PCDHA1: variants seen among roughly 807,000 people sequenced by gnomAD.
The protein encoded by PCDHA1 is protocadherin alpha-1.
A neutral mutation model predicts 61.3 loss-of-function variants in PCDHA1; 42 were observed. The observed-to-expected ratio is 0.69, with a 90% CI of 0.54 to 0.89. The LOEUF (loss-of-function observed/expected upper bound fraction) is 0.89. PCDHA1 is among the 40% of genes least tolerant of loss of function. The probability of loss-of-function intolerance (pLI) is 0.00; values close to 1 mark genes in which losing one functional copy is unlikely to be tolerated. For missense variants in PCDHA1, 1,256 were observed against 1,235.3 expected (o/e 1.02, Z -0.25); for synonymous variants, 610 against 553.8 (o/e 1.10, Z -1.43).
At position 141,009,773 on chromosome 5, in the gene PCDHA1, A is replaced by C. The variant is rs782087059; in HGVS notation, c.2689A>C (p.Ile897Leu). ...KFIIPGSPAI[I>L]SIRQEPTNSQ... is the part of the protein sequence containing the mutation. ...CATTATCCCAGGATCTCCTGCAATC[A>C]TCTCCATCCGGCAGGAGCCTACTAA... Residue 897 changes from isoleucine to leucine, a missense_variant, in exon 4 of 4, where the codon ATC becomes CTC. Physicochemically the swap from Ile to Leu is conservative, Grantham distance 5. Transcript: ENST00000504120. 1 of 1,614,128 alleles carries C rather than the reference A, an allele frequency of 6.2e-7. No individual in the cohort carries two copies. Among genetic ancestry groups the C allele is most frequent in the East Asian group, 2.2e-5 (1 of 44,878 alleles).
At chr5:140,798,887 T>G (rs782239650) in intron 1 of PCDHA1, among the ~76,000 whole-genome samples, 3 of 152,266 alleles carry the variant, frequency 2.0e-5, no homozygotes, top group Non-Finnish European at 4.4e-5. Flanking sequence ...AGTTATTTGC[T>G]GTTTATTCTA....
intron 3 of PCDHA1, among the ~76,000 whole-genome samples, chr5:141,007,846 A>G (rs1368916424): frequency 6.6e-6 from 1 of 152,176 alleles, no homozygotes. Flanking sequence ...TAGAGACTCA[A>G]AGTCCTTAAA....
intron 1 of PCDHA1, among the ~76,000 whole-genome samples, chr5:140,914,826 CA>C: frequency 6.6e-6 from 1 of 151,812 alleles, no homozygotes; most frequent in East Asian, 1.9e-4. Context: ...ACTGCATAAA[CA>C]AAAAACAAAC....
At chr5:140,868,963 A>G in intron 1 of PCDHA1, 2 of 1,423,054 alleles carry the variant, frequency 1.4e-6, no homozygotes, top group Non-Finnish European at 1.9e-6. Context: ...TCCCATACAA[A>G]GGAACTCCAT....
chr5:140,793,246 T>C (rs1329999065), intron 1 of PCDHA1, among the ~76,000 whole-genome samples: 1 of 152,206 alleles, frequency 6.6e-6, no homozygotes, highest in Non-Finnish European at 1.5e-5. Context: ...GAATTATAAA[T>C]GTGGAGATTA....
intron 1 of PCDHA1, chr5:140,876,387 T>C (rs2056316391): frequency 6.2e-7 from 1 of 1,613,830 alleles, no homozygotes; most frequent in Admixed American, 1.7e-5. Flanking sequence ...TTAGAATTTA[T>C]GGTGAACTGG....
At chr5:140,834,413 G>C in intron 1 of PCDHA1, 3 of 1,611,242 alleles carry the variant, frequency 1.9e-6, no homozygotes, top group Non-Finnish European at 2.5e-6. Context: ...ACGACCCAGG[G>C]GGCCGACATC....
chr5:140,881,232 C>A, intron 1 of PCDHA1: 2 of 318,074 alleles, frequency 6.3e-6, no homozygotes, highest in Non-Finnish European at 9.1e-6. Context: ...AAATTAAAGT[C>A]AATTTAAATG....
At chr5:140,966,469 C>G (rs1308389710) in intron 1 of PCDHA1, 1 of 432,506 alleles carries the variant, frequency 2.3e-6, no homozygotes, top group African/African-American at 2.0e-5. Context: ...GTCTTCCCTT[C>G]TGTTTCCTTT....
chr5:140,932,042 A>G (rs1419099942), intron 1 of PCDHA1, among the ~76,000 whole-genome samples: 1 of 151,970 alleles, frequency 6.6e-6, no homozygotes, highest in Non-Finnish European at 1.5e-5. Flanking sequence ...ATATTAACAT[A>G]GCCTGTAATA....
At chr5:140,847,326 T>C (rs1171959432) in intron 1 of PCDHA1, 3 of 149,816 alleles carry the variant, frequency 2.0e-5, no homozygotes, top group African/African-American at 7.3e-5. Flanking sequence ...GAAGCAATTG[T>C]TAAATGCACC....
intron 1 of PCDHA1, chr5:140,967,239 G>A: frequency 1.9e-6 from 3 of 1,613,672 alleles, no homozygotes; most frequent in Non-Finnish European, 2.5e-6. Context: ...CTTCAGGTAA[G>A]CGAATCGGTG....
At chr5:140,794,155 GTA>G (rs1581609623) in intron 1 of PCDHA1, among the ~76,000 whole-genome samples, 1 of 152,214 alleles carries the variant, frequency 6.6e-6, no homozygotes, top group East Asian at 1.9e-4. Context: ...AAAACGTGGT[GTA>G]TACATATGTT....
At chr5:140,801,219 G>C (rs782060470) in intron 1 of PCDHA1, 3 of 1,607,608 alleles carry the variant, frequency 1.9e-6, no homozygotes, top group East Asian at 2.2e-5. Context: ...CTGGCGAGAA[G>C]ATCCTGGAGC....
intron 1 of PCDHA1, chr5:140,802,555 C>T (rs1762945813): frequency 6.2e-7 from 1 of 1,614,190 alleles, no homozygotes; most frequent in Non-Finnish European, 8.5e-7. Flanking sequence ...GACAATGCGC[C>T]GGCATTCTCG....
Position 140,954,691 on chromosome 5 carries a change from A to G in PCDHA1, c.2395-24258A>G, listed in dbSNP as rs561318179. Among the ~76,000 whole-genome samples the G allele has an allele frequency of 9.2e-5, 14 of 152,162 alleles. No homozygotes were observed. The East Asian group carries it at 2.5e-3, about 27-fold the overall frequency. ...TATTAGACTTTTGTCAGATGGATAG[A>G]CTACAAAATTTTTCTCCCATTCTGT... On this transcript the variant is annotated intron_variant, in intron 1 of 3. Coordinates refer to ENST00000504120, the MANE Select transcript of PCDHA1 (RefSeq NM_018900.4).
chr5:140,959,373 C>CA lies in PCDHA1; in HGVS notation c.2395-19566dup, dbSNP rs1243465116. Among the ~76,000 whole-genome samples the CA allele has an allele frequency of 8.3e-3, 1,208 of 145,190 alleles. 7 individuals carry two copies. Among genetic ancestry groups the CA allele is most frequent in the Admixed American group, 0.016 (228 of 14,544 alleles). ...GGGACAACTGAGTGAGACCCTGTCT[C>CA]AAAAAAAAAAGTCACAAATTAAGAT... On this transcript the variant is annotated intron_variant, in intron 1 of 3. Coordinates refer to ENST00000504120, the MANE Select transcript of PCDHA1 (RefSeq NM_018900.4).
At chr5:140,841,918 C>G (rs2150325531) in intron 1 of PCDHA1, 33 of 1,613,726 alleles carry the variant, frequency 2.0e-5, no homozygotes, top group Non-Finnish European at 2.6e-5. Flanking sequence ...TAAGAAAATC[C>G]TTGGACAGAG....
chr5:140,962,080 T>A (rs1226617177), intron 1 of PCDHA1, among the ~76,000 whole-genome samples: 1 of 151,756 alleles, frequency 6.6e-6, no homozygotes, highest in Non-Finnish European at 1.5e-5. Context: ...AGAGACGGGG[T>A]TTCACCATGT....
Sources: gnomAD v4.1 joint callset for allele counts (sites outside exome capture counted in the v4.1 genomes callset) on GRCh38, gnomAD v4.1.1 for gene constraint, MANE v1.5 for transcripts, NCBI Gene and HGNC (gene_info 2026-07-23, HGNC 2026-07-21) for gene names.